TRMT11: variants seen among roughly 807,000 people sequenced by gnomAD.
TRMT11 encodes tRNA (guanine(10)-N(2))-methyltransferase TRMT11.
A neutral mutation model predicts 62.8 loss-of-function variants in TRMT11; 53 were observed. The observed-to-expected ratio is 0.84, with a 90% CI of 0.68 to 1.06. TRMT11 has a LOEUF of 1.06. Ranked by LOEUF, TRMT11 falls within the 50% of genes least tolerant of loss-of-function variation. The pLI is 0.00. For missense variants in TRMT11, 556 were observed against 553.4 expected (o/e 1.00, Z -0.05); for synonymous variants, 188 against 190.3 (o/e 0.99, Z 0.10).
At chr6:126,230,645 A>G in the TRMT11 span, among the ~76,000 whole-genome samples, 371 of 152,286 alleles carry the variant, frequency 2.4e-3, 1 homozygote, top group African/African-American at 8.2e-3. Flanking sequence ...CAGTATATTA[A>G]TTTCTATTAA....
At chr6:126,154,010 C>T (rs1201328037) in intron 21 of TRMT11, among the ~76,000 whole-genome samples, 1 of 152,162 alleles carries the variant, frequency 6.6e-6, no homozygotes, top group African/African-American at 2.4e-5. Context: ...TGTTTGAGAC[C>T]AGATGCCAGG....
intron 21 of TRMT11, among the ~76,000 whole-genome samples, chr6:126,125,701 C>G (rs781130718): frequency 6.6e-6 from 1 of 151,976 alleles, no homozygotes; most frequent in Non-Finnish European, 1.5e-5. Context: ...AGTAAATATC[C>G]TAAGATCACC....
chr6:126,031,375 G>A (rs1774163269), intron 12 of TRMT11, among the ~76,000 whole-genome samples: 1 of 152,130 alleles, frequency 6.6e-6, no homozygotes, highest in Non-Finnish European at 1.5e-5. Context: ...TTCGTGTCAG[G>A]TGTTGGGGCT....
chr6:126,096,089 A>AT (rs377226016), intron 17 of TRMT11, among the ~76,000 whole-genome samples: 188 of 152,304 alleles, frequency 1.2e-3, no homozygotes, highest in African/African-American at 4.4e-3. Context: ...ATTTCTTCTC[A>AT]TAAGAGGGAG....
At chr6:126,133,777 C>A (rs1391545669) in intron 21 of TRMT11, among the ~76,000 whole-genome samples, 2 of 151,912 alleles carry the variant, frequency 1.3e-5, no homozygotes, top group African/African-American at 4.8e-5. Flanking sequence ...TAAAGCCCTT[C>A]AGATCAGCAT....
chr6:126,064,483 C>A (rs1776629014), intron 17 of TRMT11, among the ~76,000 whole-genome samples: 1 of 151,990 alleles, frequency 6.6e-6, no homozygotes, highest in Non-Finnish European at 1.5e-5. Context: ...GAGGCAGGAG[C>A]TATTAGATCA....
intron 21 of TRMT11, among the ~76,000 whole-genome samples, chr6:126,118,124 A>G (rs1425334723): frequency 6.6e-6 from 1 of 152,110 alleles, no homozygotes; most frequent in Admixed American, 6.6e-5. Context: ...TTCAGGCCCC[A>G]GTTAAGTTCA....
At chr6:126,040,739 T>C (rs953621626), downstream of TRMT11, among the ~76,000 whole-genome samples, 1 of 152,130 alleles carries the variant, frequency 6.6e-6, no homozygotes, top group African/African-American at 2.4e-5. Context: ...ATGTTTATAA[T>C]ATGACAAAAT....
chr6:126,196,177 G>A (rs1778664583), intron 1 of TRMT11, among the ~76,000 whole-genome samples: 1 of 152,152 alleles, frequency 6.6e-6, no homozygotes, highest in African/African-American at 2.4e-5. Flanking sequence ...TGGTAAATAG[G>A]TATAAATAGC....
chr6:126,222,012 A>G, the TRMT11 span, among the ~76,000 whole-genome samples: 1 of 152,204 alleles, frequency 6.6e-6, no homozygotes, highest in Admixed American at 6.5e-5. Flanking sequence ...AGGGTCCAGT[A>G]TCAGTCTTCT....
intron 1 of TRMT11, among the ~76,000 whole-genome samples, chr6:125,989,771 T>C (rs1049374199): frequency 1.3e-5 from 2 of 152,202 alleles, no homozygotes; most frequent in African/African-American, 4.8e-5. Context: ...AAGATGAAAA[T>C]CTTTAGTCGG....
intron 7 of TRMT11, among the ~76,000 whole-genome samples, chr6:126,002,430 C>T (rs920408626): frequency 2.6e-5 from 4 of 152,076 alleles, no homozygotes; most frequent in African/African-American, 9.7e-5. Flanking sequence ...TACTCTTTTC[C>T]TCATTCCTAT....
chr6:126,089,298 G>A (rs530741150), intron 17 of TRMT11, among the ~76,000 whole-genome samples: 47 of 152,120 alleles, frequency 3.1e-4, no homozygotes, highest in African/African-American at 1.1e-3. Context: ...ATTTTCAGTA[G>A]AGACAGGTTT....
the TRMT11 span, among the ~76,000 whole-genome samples, chr6:126,264,618 A>G: frequency 1.3e-5 from 2 of 152,214 alleles, no homozygotes; most frequent in Non-Finnish European, 2.9e-5. Context: ...AGTAAAAGAG[A>G]TTGCTCTCTG....
intron 17 of TRMT11, among the ~76,000 whole-genome samples, chr6:126,081,441 A>G (rs1777156119): frequency 6.6e-6 from 1 of 152,190 alleles, no homozygotes; most frequent in Non-Finnish European, 1.5e-5. Context: ...CTACATTACG[A>G]TATTGACTGG....
intron 17 of TRMT11, among the ~76,000 whole-genome samples, chr6:126,060,258 A>G (rs1169010189): frequency 1.3e-5 from 2 of 152,246 alleles, no homozygotes; most frequent in African/African-American, 4.8e-5. Flanking sequence ...TCAGAATTTT[A>G]GGTCAAGAAC....
chr6:125,996,079 T>C (rs1562238869), intron 3 of TRMT11, 39 bp downstream of exon 3: 1 of 1,346,646 alleles, frequency 7.4e-7, no homozygotes, highest in East Asian at 2.3e-5. Flanking sequence ...AATATACTGG[T>C]ACTTCTCATA....
intron 11 of TRMT11, among the ~76,000 whole-genome samples, chr6:126,019,571 ATT>A (rs1304377626): frequency 6.6e-6 from 1 of 152,122 alleles, no homozygotes; most frequent in Non-Finnish European, 1.5e-5. Flanking sequence ...GAAGTAAAAA[ATT>A]TTTTTCCTTT....
At chr6:126,050,194 G>A (rs184495136) in intron 16 of TRMT11, among the ~76,000 whole-genome samples, 13 of 152,134 alleles carry the variant, frequency 8.5e-5, no homozygotes, top group Middle Eastern at 6.8e-3. Context: ...GCTGGGCGTG[G>A]TGGCACACAC....
Sources: allele counts gnomAD v4.1 joint callset (sites outside exome capture counted in the v4.1 genomes callset), GRCh38; gene constraint gnomAD v4.1.1; transcripts MANE v1.5; gene names NCBI Gene and HGNC (gene_info 2026-07-23, HGNC 2026-07-21).